GPRIN3: variants seen among roughly 807,000 people sequenced by gnomAD.
GPRIN3 encodes the protein G protein-regulated inducer of neurite outgrowth 3.
A neutral mutation model predicts 13.7 loss-of-function variants in GPRIN3; 12 were observed. That is an observed-to-expected ratio of 0.87 (90% CI 0.56 to 1.42). The LOEUF is 1.42. GPRIN3 is among the 40% of genes most tolerant of loss of function. The pLI, the probability that GPRIN3 is intolerant of heterozygous loss-of-function variation, is 0.00. For missense variants in GPRIN3, 1,009 were observed against 958.7 expected, an observed-to-expected ratio of 1.05 and a Z score of -0.69; for synonymous variants, 377 against 372.7, an observed-to-expected ratio of 1.01 and a Z score of -0.13.
At chr4:89,275,136 C>CTGTGTGTGTGTG (rs56091424) in intron 1 of GPRIN3, among the ~76,000 whole-genome samples, 41,542 of 149,020 alleles carry the variant, frequency 0.28, 5,939 homozygotes, top group Admixed American at 0.41. Flanking sequence ...CTAAGTAACT[C>CTGTGTGTGTGTG]TGTGTGTGTG....
In GPRIN3 at chr4:89,246,600, A is replaced by C. The variant is rs1441696578; in HGVS notation, c.*1180T>G. The stretch of plus-strand genomic sequence containing the variant: ...ATGGGTATTTCTCTTAAAATCAATA[A>C]GTTTGCAGAAGTTACCTTTTTACTC... On this transcript the variant is annotated 3_prime_UTR_variant, in exon 2 of 2. Transcript: ENST00000609438. The C allele has an allele frequency of 6.6e-6, 1 of 152,198 alleles. No homozygotes were observed. Among genetic ancestry groups the C allele is most frequent in the Non-Finnish European group, 1.5e-5 (1 of 68,036 alleles). 9.4% of individuals were successfully genotyped at this position (152,198 alleles called of 1,614,324 possible). A position where few individuals can be genotyped will look rare whatever the true frequency, so the allele number is the denominator to read the frequency against.
intron 1 of GPRIN3, among the ~76,000 whole-genome samples, chr4:89,256,955 G>A (rs919199764): frequency 7.9e-5 from 12 of 152,334 alleles, no homozygotes; most frequent in African/African-American, 2.6e-4. Context: ...CCAGTGCAGA[G>A]TTTGAAGGAG....
intron 1 of GPRIN3, among the ~76,000 whole-genome samples, chr4:89,294,447 A>G (rs552437796): frequency 6.6e-6 from 1 of 152,350 alleles, no homozygotes; most frequent in Non-Finnish European, 1.5e-5. Flanking sequence ...TGCATTGAGA[A>G]TAAATAAATA....
Position 89,242,334 on chromosome 4 carries a change from T to C in GPRIN3, c.*5446A>G, listed in dbSNP as rs1213052144. The C allele has an allele frequency of 1.3e-5, 2 of 152,188 alleles. No individual in the cohort carries two copies. Among genetic ancestry groups the C allele is most frequent in the African/African-American group, 4.8e-5 (2 of 41,448 alleles). 9.4% of individuals were successfully genotyped at this position (152,188 alleles called of 1,614,324 possible). The stretch of plus-strand genomic sequence containing the variant: ...ATCCGGGAGCCCATTTTTTCACAGC[T>C]AAAGCTGGTAATCCTCTGGGCAGAG... On this transcript the variant is annotated 3_prime_UTR_variant, in exon 2 of 2. Transcript: ENST00000609438.
intron 1 of GPRIN3, among the ~76,000 whole-genome samples, chr4:89,292,615 G>T (rs1431546): frequency 2.6e-5 from 4 of 151,980 alleles, no homozygotes; most frequent in South Asian, 2.1e-4. Flanking sequence ...AAAATGGAAA[G>T]GTTCTCAGAA....
intron 1 of GPRIN3, among the ~76,000 whole-genome samples, chr4:89,274,032 A>G (rs1434971200): frequency 6.6e-6 from 1 of 152,218 alleles, no homozygotes; most frequent in African/African-American, 2.4e-5. Context: ...GTCTAAACAA[A>G]TGATAATTCC....
intron 1 of GPRIN3, among the ~76,000 whole-genome samples, chr4:89,297,519 C>T (rs1724771943): frequency 6.6e-6 from 1 of 152,148 alleles, no homozygotes; most frequent in Non-Finnish European, 1.5e-5. Context: ...GGCTCCATCT[C>T]TTTTCTTTTA....
chr4:89,254,205 CCTTT>C (rs1723408971), intron 1 of GPRIN3, among the ~76,000 whole-genome samples: 1 of 150,214 alleles, frequency 6.7e-6, no homozygotes, highest in Non-Finnish European at 1.5e-5. Context: ...CTTCCCCTTC[CCTTT>C]CTTTTTCCTT....
In GPRIN3 at chr4:89,248,801, T is replaced by C; in HGVS notation, c.1310A>G (p.Asp437Gly). Residue 437 changes from aspartate (D) to glycine (G), a missense_variant, in exon 2 of 2, where the codon GAT becomes GGT. Coordinates refer to ENST00000609438, the MANE Select transcript of GPRIN3 (RefSeq NM_198281.3). ...SSNAQHTCKE[D>G]GRLAGMTPVR... ...TGGAGTCATTCCTGCTAACCTCCCA[T>C]CTTCTTTACACGTATGCTGGGCATT... 10 of 1,614,198 alleles carry C rather than the reference T, an allele frequency of 6.2e-6. No homozygotes were observed. The highest frequency in any genetic ancestry group is 1.1e-5 in the South Asian group (1 of 91,086).
At chr4:89,301,643 C>T (rs139226014) in intron 1 of GPRIN3, among the ~76,000 whole-genome samples, 31 of 152,296 alleles carry the variant, frequency 2.0e-4, no homozygotes, top group African/African-American at 6.5e-4. Flanking sequence ...TTCTGAAAAA[C>T]AATCAAGAAT....
At chr4:89,268,710 CAATT>C (rs1301581462) in intron 1 of GPRIN3, among the ~76,000 whole-genome samples, 1 of 152,104 alleles carries the variant, frequency 6.6e-6, no homozygotes, top group African/African-American at 2.4e-5. Flanking sequence ...GGCCCACAAT[CAATT>C]GTGTGGTGGA....
chr4:89,301,871 C>T (rs1223458036), intron 1 of GPRIN3, among the ~76,000 whole-genome samples: 4 of 152,148 alleles, frequency 2.6e-5, no homozygotes, highest in Admixed American at 2.6e-4. Flanking sequence ...CCCAGAGATG[C>T]CTGACATTGT....
intron 1 of GPRIN3, among the ~76,000 whole-genome samples, chr4:89,303,394 T>C (rs1438425550): frequency 1.3e-5 from 2 of 152,190 alleles, no homozygotes; most frequent in African/African-American, 2.4e-5. Flanking sequence ...GTAATGTCAA[T>C]AGTTCAACAG....
At chr4:89,253,391 T>G (rs1238478220) in intron 1 of GPRIN3, among the ~76,000 whole-genome samples, 1 of 152,208 alleles carries the variant, frequency 6.6e-6, no homozygotes, top group Non-Finnish European at 1.5e-5. Flanking sequence ...TTATTAAACT[T>G]TATGTGTCTG....
chr4:89,268,354 G>A (rs1056129506), intron 1 of GPRIN3, among the ~76,000 whole-genome samples: 1 of 152,178 alleles, frequency 6.6e-6, no homozygotes. Flanking sequence ...CATGTAGGAA[G>A]CAAGGCTAGA....
At chr4:89,264,893 T>C (rs906898239) in intron 1 of GPRIN3, among the ~76,000 whole-genome samples, 35 of 152,208 alleles carry the variant, frequency 2.3e-4, no homozygotes, top group African/African-American at 7.5e-4. Flanking sequence ...CTTCCCCTGC[T>C]GGAATGCAAG....
chr4:89,306,873 T>C (rs1725047716), intron 1 of GPRIN3, among the ~76,000 whole-genome samples: 1 of 152,154 alleles, frequency 6.6e-6, no homozygotes, highest in South Asian at 2.1e-4. Context: ...TCTCCTTTTT[T>C]CCCTCTTTCA....
chr4:89,265,162 T>C (rs537066645), intron 1 of GPRIN3, among the ~76,000 whole-genome samples: 15 of 152,184 alleles, frequency 9.9e-5, no homozygotes, highest in Non-Finnish European at 1.5e-4. Flanking sequence ...TTGGGGATAA[T>C]TATAGTTCAA....
At chr4:89,270,639 A>C (rs994472323) in intron 1 of GPRIN3, among the ~76,000 whole-genome samples, 1 of 140,786 alleles carries the variant, frequency 7.1e-6, no homozygotes, top group Non-Finnish European at 1.5e-5. Flanking sequence ...CTTCTGGCTC[A>C]AGCGATCCTC....
Sources: gnomAD v4.1 joint callset for allele counts (sites outside exome capture counted in the v4.1 genomes callset) on GRCh38, gnomAD v4.1.1 for gene constraint, MANE v1.5 for transcripts, NCBI Gene and HGNC (gene_info 2026-07-23, HGNC 2026-07-21) for gene names.